TMEM253: variants seen among roughly 807,000 people sequenced by gnomAD.
TMEM253 encodes the protein transmembrane protein C14orf176.
A neutral mutation model predicts 20.3 loss-of-function variants in TMEM253; 22 were observed. The ratio of observed to expected loss-of-function variants is 1.08; its 90% CI spans 0.78 to 1.55. The LOEUF is 1.55. TMEM253 is among the 40% of genes most tolerant of loss of function. The pLI, the probability that TMEM253 is intolerant of heterozygous loss-of-function variation, is 0.00. For synonymous variants in TMEM253, 92 were observed against 102.6 expected, an observed-to-expected ratio of 0.90 and a Z score of 0.62; for missense variants, 251 against 266.1, an observed-to-expected ratio of 0.94 and a Z score of 0.39.
At chr14:21,101,545 ACCATGTG>A in intron 2 of TMEM253, 94 bp downstream of exon 2, 1 of 1,184,188 alleles carries the variant, frequency 8.4e-7, no homozygotes, top group African/African-American at 1.5e-5. Context: ...GTGAGCACCT[ACCATGTG>A]CCAGAAACTG....
upstream of TMEM253, among the ~76,000 whole-genome samples, chr14:21,099,395 C>G (rs1227223155): frequency 1.3e-5 from 2 of 152,144 alleles, no homozygotes; most frequent in South Asian, 4.2e-4. Flanking sequence ...CATCTCACAT[C>G]GCCACCAAAT....
At chr14:21,099,999 C>T (rs1365511240), upstream of TMEM253, among the ~76,000 whole-genome samples, 1 of 152,172 alleles carries the variant, frequency 6.6e-6, no homozygotes, top group Non-Finnish European at 1.5e-5. Flanking sequence ...CCTGAATCAA[C>T]AACTCTTCAC....
exon 2 of TMEM253, chr14:21,101,409 C>T (rs1889622749): frequency 1.3e-6 from 2 of 1,551,540 alleles, no homozygotes; most frequent in African/African-American, 1.4e-5. Flanking sequence ...AGCTACAACA[C>T]TGGGCAAGGC....
At chr14:21,103,308 C>A in exon 7 of TMEM253, 2 of 1,529,400 alleles carry the variant, frequency 1.3e-6, no homozygotes, top group Admixed American at 2.1e-5. Flanking sequence ...AACTCAGAAG[C>A]TTGCTGGGAT....
exon 7 of TMEM253, chr14:21,103,329 C>T: frequency 6.7e-7 from 1 of 1,498,220 alleles, no homozygotes; most frequent in East Asian, 2.5e-5. Flanking sequence ...CCTTCGAGTC[C>T]AATAGGAAGT....
intron 4 of TMEM253, 120 bp downstream of exon 4, chr14:21,102,240 G>A: frequency 1.4e-6 from 2 of 1,409,496 alleles, no homozygotes; most frequent in Non-Finnish European, 1.9e-6. Flanking sequence ...ACCACTGACT[G>A]GCCTCAATCA....
exon 7 of TMEM253, chr14:21,103,277 T>C: frequency 1.9e-6 from 3 of 1,546,864 alleles, no homozygotes; most frequent in Non-Finnish European, 2.6e-6. Flanking sequence ...TCTCCAGACA[T>C]TCCTGCATCC....
rs932954064 is a variant in TMEM253, at chr14:21,102,526, A to G, written c.387+11A>G. ...ACTGCCTCCTCCCAGGTACTGGTCA[A>G]TGAAGGAGAAGGTGGGAGGATAAGG... On this transcript the variant is annotated intron_variant, in intron 5 of 6. Coordinates refer to ENST00000556585, the Ensembl canonical transcript of TMEM253. 17 of 1,551,626 alleles carry G rather than the reference A, an allele frequency of 1.1e-5. No individual in the cohort carries two copies. Among genetic ancestry groups the G allele is most frequent in the East Asian group, 7.3e-5 (3 of 40,934 alleles).
upstream of TMEM253, chr14:21,098,898 C>T: frequency 7.9e-7 from 1 of 1,267,722 alleles, no homozygotes; most frequent in Non-Finnish European, 1.0e-6. Flanking sequence ...CAAAGCCTCT[C>T]CCTTACAATT....
rs1292700606 is a variant in TMEM253, at chr14:21,101,992, G to T, written c.219+17G>T. ...GGAGCCTCAGTAAGACCCACCACAAGGGAGGGTGGAAGGTCCCAGGGCCCC... is the reference window on the plus strand; with the variant it reads ...GGAGCCTCAGTAAGACCCACCACAATGGAGGGTGGAAGGTCCCAGGGCCCC... On this transcript the variant is annotated intron_variant, in intron 3 of 6. Transcript: ENST00000556585. 6.4e-7 allele frequency: 1 copy of T among 1,551,024 alleles called. No homozygotes were observed. The highest frequency in any genetic ancestry group is 8.7e-7 in the Non-Finnish European group (1 of 1,146,412).
At chr14:21,102,751 A>G in exon 6 of TMEM253, 1 of 1,550,996 alleles carries the variant, frequency 6.4e-7, no homozygotes, top group Non-Finnish European at 8.7e-7. Flanking sequence ...TGCAGGAGCC[A>G]GAGTCTGCAC....
chr14:21,101,622 C>T lies in TMEM253; in HGVS notation c.108+171C>T. On this transcript the variant is annotated intron_variant, in intron 2 of 6. Coordinates refer to ENST00000556585, the Ensembl canonical transcript of TMEM253. ...ACATAGAAATAAACAAGGCAAGACCCTTAATCTCCCAAGTAGCTTCCATCT... is the reference window on the plus strand; with the variant it reads ...ACATAGAAATAAACAAGGCAAGACCTTTAATCTCCCAAGTAGCTTCCATCT... 10 of 686,724 alleles carry T rather than the reference C, an allele frequency of 1.5e-5. No homozygotes were observed. In the South Asian group the frequency reaches 1.7e-4, roughly 12 times the overall value. The allele number at this position is 686,724 out of a possible 1,614,324, so 42.5% of individuals were successfully genotyped here.
At chr14:21,099,130 C>T (rs1889488430), upstream of TMEM253, 1 of 229,702 alleles carries the variant, frequency 4.4e-6, no homozygotes, top group African/African-American at 2.3e-5. Flanking sequence ...GCACTGGGCT[C>T]AGCGCTGTGA....
upstream of TMEM253, among the ~76,000 whole-genome samples, chr14:21,100,369 TATAATAATA>T (rs3061999): frequency 6.7e-6 from 1 of 149,324 alleles, no homozygotes; most frequent in African/African-American, 2.5e-5. Flanking sequence ...GTCTCAATAA[TATAATAATA>T]ATAATAATAA....
chr14:21,103,477 C>T (rs1889781027), exon 7 of TMEM253: 2 of 653,796 alleles, frequency 3.1e-6, no homozygotes, highest in South Asian at 2.1e-5. Context: ...TCCATATCCT[C>T]TCTTCCTGTC....
chr14:21,102,661 G>A, exon 6 of TMEM253: 2 of 1,551,552 alleles, frequency 1.3e-6, no homozygotes, highest in African/African-American at 2.7e-5. Flanking sequence ...CTGGAACTCA[G>A]TGCTGAGGCC....
chr14:21,102,367 C>T lies in TMEM253; in HGVS notation c.277-38C>T, dbSNP rs1459140074. 2.6e-6 allele frequency: 4 copies of T among 1,548,794 alleles called. No individual in the cohort carries two copies. In the East Asian group the frequency reaches 9.8e-5, roughly 38 times the overall value. ...AGTGGGGATTGAGGTTGGAATGACTCCCCTAGGCTGGGCAGGGCTGAGCTG... is the reference window on the plus strand; with the variant it reads ...AGTGGGGATTGAGGTTGGAATGACTTCCCTAGGCTGGGCAGGGCTGAGCTG... On this transcript the variant is annotated intron_variant, in intron 4 of 6. Transcript: ENST00000556585.
intron 2 of TMEM253, 148 bp downstream of exon 2, chr14:21,101,599 A>G (rs1889635083): frequency 3.9e-6 from 3 of 767,794 alleles, no homozygotes; most frequent in Non-Finnish European, 6.2e-6. Flanking sequence ...AGAGGAAAAC[A>G]TAGAAATAAA....
chr14:21,100,910 A>G (rs948563574), upstream of TMEM253, among the ~76,000 whole-genome samples: 2 of 152,198 alleles, frequency 1.3e-5, no homozygotes, highest in Non-Finnish European at 2.9e-5. Context: ...GAAACCAGAA[A>G]AGGAACCCAG....
Sources: allele counts gnomAD v4.1 joint callset (sites outside exome capture counted in the v4.1 genomes callset), GRCh38; gene constraint gnomAD v4.1.1; transcripts MANE v1.5; gene names NCBI Gene and HGNC (gene_info 2026-07-23, HGNC 2026-07-21).